FAM174C: variants seen among roughly 807,000 people sequenced by gnomAD.
The protein encoded by FAM174C is protein FAM174C.
FAM174C carries 19 observed loss-of-function variants against 12.3 expected under a neutral mutation model. The observed-to-expected ratio is 1.55, with a 90% CI of 1.08 to 2.27. The LOEUF is 2.27. Ranked by LOEUF, FAM174C falls within the 30% of genes most tolerant of loss-of-function variation. The pLI is 0.00. For missense variants in FAM174C, 239 were observed against 190.2 expected (o/e 1.26, Z -1.51); for synonymous variants, 147 against 103.5 (o/e 1.42, Z -2.55).
chr19:1,277,030 G>A (rs117008583), intron 1 of FAM174C, 153 bp from the exon 2 acceptor site: 14,584 of 1,203,378 alleles, frequency 0.012, 94 homozygotes, highest in Non-Finnish European at 0.014. Flanking sequence ...ATCACTTGGC[G>A]ATTAGGACAT....
chr19:1,279,064 A>G lies in FAM174C; in HGVS notation c.*287A>G. The G allele has an allele frequency of 6.2e-7, 1 of 1,612,200 alleles. No homozygotes were observed. The highest frequency in any genetic ancestry group is 1.1e-5 in the South Asian group (1 of 91,090). On this transcript the variant is annotated 3_prime_UTR_variant, in exon 3 of 3. Transcript: ENST00000409293. ...GGAGGGACCCCAACAGCCACCGCCC[A>G]GGACGCTGAGGCTCCCTTGCCTGAC...
At position 1,276,064 on chromosome 19, in the gene FAM174C, G is replaced by A. The variant is rs2081413052; in HGVS notation, c.281+234G>A. 1.1e-5 allele frequency: 6 copies of A among 525,596 alleles called. No homozygotes were observed. The South Asian group carries it at 1.4e-4, about 12-fold the overall frequency. 32.6% of individuals were successfully genotyped at this position (525,596 alleles called of 1,614,324 possible). On this transcript the variant is annotated intron_variant, in intron 1 of 2. Coordinates refer to ENST00000409293, the MANE Select transcript of FAM174C (RefSeq NM_017914.4). ...GCCTGGGGTTGGAGGTGCCCAGCGCGCCGCCTCTTAACTCGGGGGTGACGC... is the reference window on the plus strand; with the variant it reads ...GCCTGGGGTTGGAGGTGCCCAGCGCACCGCCTCTTAACTCGGGGGTGACGC...
chr19:1,275,763 C>G lies in FAM174C; in HGVS notation c.214C>G (p.Arg72Gly), dbSNP rs1298884855. 1.9e-6 allele frequency: 3 copies of G among 1,538,952 alleles called. No homozygotes were observed. The highest frequency in any genetic ancestry group is 2.8e-5 in the African/African-American group (2 of 72,526). Residue 72 changes from arginine to glycine, a missense_variant, in exon 1 of 3, where the codon CGC (arginine) becomes GGC (glycine). Arg to Gly is a moderately radical substitution (Grantham distance 125). Coordinates refer to ENST00000409293, the MANE Select transcript of FAM174C (RefSeq NM_017914.4). ...GGGGGCGTCGGGCTCGGCGCTGACG[C>G]GCTCCTTCTACGTGATCCTGGGCTT... ...PPGASGSALT[R>G]SFYVILGFCG...
chr19:1,275,618 G>A lies in FAM174C; in HGVS notation c.69G>A (p.Pro23=), dbSNP rs1421654910. ...LLLALLLAAL[P]CGAEEASPLR... ...TGGCGCTGCTGCTGGCGGCGCTGCC[G>A]TGCGGTGCCGAAGAGGCCTCGCCGC... Residue 23 remains proline, a synonymous_variant, in exon 1 of 3, where the codon CCG becomes CCA. Transcript: ENST00000409293. The A allele has an allele frequency of 6.2e-6, 8 of 1,297,866 alleles. No homozygotes were observed. Among genetic ancestry groups the A allele is most frequent in the Middle Eastern group, 2.9e-4 (1 of 3,404 alleles). The allele number at this position is 1,297,866 out of a possible 1,614,324, so 80.4% of individuals were successfully genotyped here.
Position 1,275,554 on chromosome 19 carries a change from G to C in FAM174C, c.5G>C (p.Gly2Ala). 8.2e-7 allele frequency: 1 copy of C among 1,215,916 alleles called. No individual in the cohort carries two copies. The highest frequency in any genetic ancestry group is 3.9e-5 in the South Asian group (1 of 25,416). The allele number at this position is 1,215,916 out of a possible 1,614,324, so 75.3% of individuals were successfully genotyped here. A position where few individuals can be genotyped will look rare whatever the true frequency, so the allele number is the denominator to read the frequency against. Residue 2 changes from glycine (G) to alanine (A), a missense_variant, in exon 1 of 3, where the codon GGG becomes GCG. Transcript: ENST00000409293. ...CGCCACCGCTTCCGCCGGGCCATGG[G>C]GCCGCGCGTGCTGCAGCCGCCGCTG... Reference protein sequence around the residue: MGPRVLQPPLLL... With the variant: MAPRVLQPPLLL...
Position 1,275,536 on chromosome 19 carries a change from G to T in FAM174C, c.-14G>T. 4 of 1,165,420 alleles carry T rather than the reference G, an allele frequency of 3.4e-6. No homozygotes were observed. Among genetic ancestry groups the T allele is most frequent in the Non-Finnish European group, 4.2e-6 (4 of 955,684 alleles). The allele number at this position is 1,165,420 out of a possible 1,614,324, so 72.2% of individuals were successfully genotyped here. A position where few individuals can be genotyped will look rare whatever the true frequency, so the allele number is the denominator to read the frequency against. ...CGCATAGGGGCGGGGCGCCGCCACCGCTTCCGCCGGGCCATGGGGCCGCGC... is the reference window on the plus strand; with the variant it reads ...CGCATAGGGGCGGGGCGCCGCCACCTCTTCCGCCGGGCCATGGGGCCGCGC... On this transcript the variant is annotated 5_prime_UTR_variant, in exon 1 of 3. Coordinates refer to ENST00000409293, the MANE Select transcript of FAM174C (RefSeq NM_017914.4).
chr19:1,275,923 CCTCCCTCCCTCCCTCCCTCT>C, intron 1 of FAM174C, 93 bp downstream of exon 1: 1 of 930,600 alleles, frequency 1.1e-6, no homozygotes. Flanking sequence ...TCCTCCCCTC[CCTCCCTCCCTCCCTCCCTCT>C]CTCCCTGTTG....
intron 1 of FAM174C, 65 bp from the exon 2 acceptor site, chr19:1,277,118 C>A: frequency 6.7e-7 from 1 of 1,503,474 alleles, no homozygotes; most frequent in Non-Finnish European, 9.0e-7. Flanking sequence ...AATGAGAGTC[C>A]TGAGGGAAGG....
rs979775172 is a variant in FAM174C at position 1,275,658 on chromosome 19, G to A, written c.109G>A (p.Val37Ile). ...EEASPLRPAQ[V>I]TLSPPPAVTN... Reference sequence around the variant, plus strand: ...GGCCTCGCCGCTGCGCCCCGCGCAGGTCACGTTGTCGCCGCCGCCGGCCGT... The same window carrying A: ...GGCCTCGCCGCTGCGCCCCGCGCAGATCACGTTGTCGCCGCCGCCGGCCGT... Residue 37 changes from valine to isoleucine, a missense_variant, in exon 1 of 3, where the codon GTC becomes ATC. Coordinates refer to ENST00000409293, the MANE Select transcript of FAM174C (RefSeq NM_017914.4). 77 of 1,425,152 alleles carry A rather than the reference G, an allele frequency of 5.4e-5. No individual in the cohort carries two copies. The highest frequency in any genetic ancestry group is 8.7e-5 in the East Asian group (3 of 34,286). 88.3% of individuals were successfully genotyped at this position (1,425,152 alleles called of 1,614,324 possible).
rs769499794 is a variant in FAM174C, at chr19:1,277,179, C to T, written c.282-4C>T. ...CCACTGACTATGCCTGGACCTACTT[C>T]CAGGTTGAAGAAGCCTCAGCGGAGG... On this transcript the variant is annotated splice_polypyrimidine_tract_variant and splice_region_variant and intron_variant, in intron 1 of 2. Transcript: ENST00000409293. 10 of 1,536,582 alleles carry T rather than the reference C, an allele frequency of 6.5e-6. No individual in the cohort carries two copies. The South Asian group carries it at 1.2e-4, about 18-fold the overall frequency.
Position 1,277,309 on chromosome 19 carries a change from C to G in FAM174C, c.398+10C>G. 1 of 1,537,392 alleles carries G rather than the reference C, an allele frequency of 6.5e-7. No homozygotes were observed. Among genetic ancestry groups the G allele is most frequent in the Non-Finnish European group, 8.8e-7 (1 of 1,135,914 alleles). Reference sequence around the variant, plus strand: ...CCCGGAATCTGAGATGGTGTGCACCCTTCCCCAGCTCTGGGGCCTCGGTGG... The same window carrying G: ...CCCGGAATCTGAGATGGTGTGCACCGTTCCCCAGCTCTGGGGCCTCGGTGG... On this transcript the variant is annotated intron_variant, in intron 2 of 2. Coordinates refer to ENST00000409293, the MANE Select transcript of FAM174C (RefSeq NM_017914.4).
In FAM174C at chr19:1,277,024, C is replaced by T. The variant is rs904929129; in HGVS notation, c.282-159C>T. On this transcript the variant is annotated intron_variant, in intron 1 of 2. Transcript: ENST00000409293. ...TCGCCATGGGAGTGAATGGTAATCA[C>T]TTGGCGATTAGGACATGAAAGAAGC... 1.3e-5 allele frequency: 15 copies of T among 1,156,914 alleles called. No individual in the cohort carries two copies. The East Asian group carries it at 1.6e-4, about 13-fold the overall frequency. 71.7% of individuals were successfully genotyped at this position (1,156,914 alleles called of 1,614,324 possible).
intron 1 of FAM174C, 170 bp downstream of exon 1, chr19:1,276,000 G>C: frequency 1.5e-6 from 1 of 649,166 alleles, no homozygotes; most frequent in South Asian, 2.0e-5. Context: ...TGGTGTGGGC[G>C]GTGCAGGGGC....
chr19:1,278,301 C>G (rs2081424452), intron 2 of FAM174C, among the ~76,000 whole-genome samples: 1 of 62,352 alleles, frequency 1.6e-5, no homozygotes, highest in African/African-American at 6.1e-5. Flanking sequence ...TGCGCAGATG[C>G]CGGGCGGGAC....
At position 1,275,750 on chromosome 19, in the gene FAM174C, C is replaced by T. The variant is rs2081409803; in HGVS notation, c.201C>T (p.Gly67=). ...STHTRPPGAS[G]SALTRSFYVI... ...ACACGCGTCCGCCGGGGGCGTCGGG[C>T]TCGGCGCTGACGCGCTCCTTCTACG... The change falls in exon 1 of 3, where the codon GGC becomes GGT. Residue 67 remains glycine, a synonymous_variant. Coordinates refer to ENST00000409293, the MANE Select transcript of FAM174C (RefSeq NM_017914.4). 3.9e-6 allele frequency: 6 copies of T among 1,535,814 alleles called. No individual in the cohort carries two copies. The highest frequency in any genetic ancestry group is 5.2e-6 in the Non-Finnish European group (6 of 1,144,818).
intron 2 of FAM174C, among the ~76,000 whole-genome samples, chr19:1,278,212 G>A (rs1349024180): frequency 2.0e-5 from 3 of 152,272 alleles, no homozygotes; most frequent in African/African-American, 7.2e-5. Flanking sequence ...CGGGGTCAGG[G>A]AGGGCCTCTC....
Position 1,279,013 on chromosome 19 carries a change from C to G in FAM174C, c.*236C>G. 1 of 1,611,826 alleles carries G rather than the reference C, an allele frequency of 6.2e-7. No individual in the cohort carries two copies. Among genetic ancestry groups the G allele is most frequent in the Non-Finnish European group, 8.5e-7 (1 of 1,179,962 alleles). On this transcript the variant is annotated 3_prime_UTR_variant, in exon 3 of 3. Transcript: ENST00000409293. ...CTCGCCTCCTGGATGCTGTCCCAGC[C>G]TGGCCGAGGGTCCCAGGTGAAGACT...
intron 1 of FAM174C, 108 bp downstream of exon 1, chr19:1,275,938 C>T (rs1353895068): frequency 7.7e-6 from 8 of 1,033,994 alleles, no homozygotes; most frequent in Non-Finnish European, 9.8e-6. Flanking sequence ...CTCCCTCCCT[C>T]CCTCTCTCCC....
At chr19:1,276,390 A>C (rs1195698866) in intron 1 of FAM174C, 1 of 155,126 alleles carries the variant, frequency 6.4e-6, no homozygotes, top group Non-Finnish European at 1.4e-5. Flanking sequence ...GCCCCTGGGC[A>C]GGAGGGGCTT....
Sources: gnomAD v4.1 joint callset for allele counts (sites outside exome capture counted in the v4.1 genomes callset) on GRCh38, gnomAD v4.1.1 for gene constraint, MANE v1.5 for transcripts, NCBI Gene and HGNC (gene_info 2026-07-23, HGNC 2026-07-21) for gene names.